The following CLDN18 variants were observed in gnomAD, a reference collection of about 807,000 sequenced individuals.
CLDN18 encodes claudin-18.
A neutral mutation model predicts 25.0 loss-of-function variants in CLDN18; 20 were observed. The observed-to-expected ratio is 0.80, with a 90% CI of 0.56 to 1.16. CLDN18 has a LOEUF of 1.16. Among genes scored for constraint, CLDN18 ranks in the 50% most tolerant of loss-of-function variants. CLDN18 has a pLI of 0.00. For synonymous variants in CLDN18, 125 were observed against 135.6 expected, an observed-to-expected ratio of 0.92 and a Z score of 0.54; for missense variants, 297 against 345.4, an observed-to-expected ratio of 0.86 and a Z score of 1.11.
intron 3 of CLDN18, among the ~76,000 whole-genome samples, chr3:138,027,378 GGTAA>G: frequency 6.6e-6 from 1 of 152,314 alleles, no homozygotes; most frequent in South Asian, 2.1e-4. Context: ...GCCTGTCCCA[GGTAA>G]GTATTTAGGT....
At chr3:138,014,256 G>A (rs139990205) in intron 1 of CLDN18, among the ~76,000 whole-genome samples, 2 of 152,300 alleles carry the variant, frequency 1.3e-5, no homozygotes, top group Non-Finnish European at 2.9e-5. Flanking sequence ...TCTCTGAGAA[G>A]GATTTTAGGG....
Position 138,033,064 on chromosome 3 carries a change from T to G in CLDN18, c.*1923T>G, listed in dbSNP as rs1472888820. 6.6e-6 allele frequency: 1 copy of G among 152,216 alleles called. No individual in the cohort carries two copies. Among genetic ancestry groups the G allele is most frequent in the Non-Finnish European group, 1.5e-5 (1 of 68,036 alleles). The allele number at this position is 152,216 out of a possible 1,614,324, so 9.4% of individuals were successfully genotyped here. On this transcript the variant is annotated 3_prime_UTR_variant, in exon 5 of 5. Coordinates refer to ENST00000183605, the MANE Select transcript of CLDN18 (RefSeq NM_016369.4). ...AAAGTCCTCACATCAATAGTACATA[T>G]GAAAGTGACCTCCAAGGGGATTGGT...
chr3:138,030,484 C>T (rs1179053726), intron 4 of CLDN18, among the ~76,000 whole-genome samples: 1 of 152,240 alleles, frequency 6.6e-6, no homozygotes, highest in Non-Finnish European at 1.5e-5. Flanking sequence ...TGTTTGCCCT[C>T]TCTGTGCCTC....
intron 1 of CLDN18, among the ~76,000 whole-genome samples, chr3:138,017,285 G>A (rs935774586): frequency 7.2e-5 from 11 of 151,978 alleles, no homozygotes; most frequent in Admixed American, 2.0e-4. Context: ...CATCCTACCC[G>A]TGTTCTGAGC....
intron 1 of CLDN18, among the ~76,000 whole-genome samples, chr3:138,014,475 C>T (rs1299292465): frequency 6.6e-6 from 1 of 151,916 alleles, no homozygotes; most frequent in African/African-American, 2.4e-5. Flanking sequence ...ACACAACAAG[C>T]ATAGGGGGCT....
intron 1 of CLDN18, among the ~76,000 whole-genome samples, chr3:138,000,206 A>T (rs748584603): frequency 6.6e-6 from 1 of 152,168 alleles, no homozygotes; most frequent in South Asian, 2.1e-4. Flanking sequence ...CAAAAATATA[A>T]AAGAGTGCAC....
intron 1 of CLDN18, among the ~76,000 whole-genome samples, chr3:138,015,309 G>A (rs1055384724): frequency 3.9e-5 from 6 of 152,154 alleles, no homozygotes; most frequent in African/African-American, 1.2e-4. Flanking sequence ...GAGTAACAAC[G>A]AGCCAGGACC....
chr3:138,002,313 G>A (rs1370147836), intron 1 of CLDN18, among the ~76,000 whole-genome samples: 1 of 152,122 alleles, frequency 6.6e-6, no homozygotes, highest in Non-Finnish European at 1.5e-5. Flanking sequence ...GAAAAAAAAA[G>A]TTGTTTGGTG....
At chr3:138,001,694 AATAG>A (rs1231419743) in intron 1 of CLDN18, among the ~76,000 whole-genome samples, 3 of 152,200 alleles carry the variant, frequency 2.0e-5, no homozygotes, top group African/African-American at 7.2e-5. Flanking sequence ...TTGACTATTT[AATAG>A]ATAGTTTATA....
chr3:138,022,885 C>G (rs1199721846), intron 1 of CLDN18, among the ~76,000 whole-genome samples: 1 of 152,210 alleles, frequency 6.6e-6, no homozygotes, highest in Non-Finnish European at 1.5e-5. Context: ...ACAATTGTTG[C>G]TATGAGTCAC....
chr3:138,027,205 G>A (rs1238054326), intron 3 of CLDN18, among the ~76,000 whole-genome samples: 1 of 152,188 alleles, frequency 6.6e-6, no homozygotes, highest in African/African-American at 2.4e-5. Context: ...CTGCAGCTGA[G>A]AGGCAGCTGC....
At chr3:138,013,455 A>C (rs1942164677) in intron 1 of CLDN18, among the ~76,000 whole-genome samples, 1 of 152,370 alleles carries the variant, frequency 6.6e-6, no homozygotes, top group South Asian at 2.1e-4. Context: ...CTGTGGGAAG[A>C]GCAGCCTCCT....
intron 1 of CLDN18, among the ~76,000 whole-genome samples, chr3:138,013,115 A>G (rs1413103674): frequency 6.6e-6 from 1 of 152,236 alleles, no homozygotes; most frequent in African/African-American, 2.4e-5. Context: ...CGAATAGTTC[A>G]TTTTAAGTGT....
upstream of CLDN18, among the ~76,000 whole-genome samples, chr3:138,005,368 C>T (rs1386938696): frequency 6.6e-6 from 1 of 152,098 alleles, no homozygotes; most frequent in Non-Finnish European, 1.5e-5. Flanking sequence ...GGTATTTCTC[C>T]TAATGCTATC....
intron 1 of CLDN18, among the ~76,000 whole-genome samples, chr3:138,017,431 C>G (rs1942219328): frequency 6.6e-6 from 1 of 152,108 alleles, no homozygotes; most frequent in South Asian, 2.1e-4. Flanking sequence ...TCCTATCAAC[C>G]TATAAATCAT....
intron 3 of CLDN18, among the ~76,000 whole-genome samples, chr3:138,027,928 T>A (rs1272329373): frequency 2.6e-5 from 4 of 152,218 alleles, no homozygotes; most frequent in Non-Finnish European, 5.9e-5. Flanking sequence ...TTCTGTCTTT[T>A]TCCCAGTCCA....
upstream of CLDN18, among the ~76,000 whole-genome samples, chr3:138,009,279 C>T (rs1942102487): frequency 6.6e-6 from 1 of 152,218 alleles, no homozygotes; most frequent in Non-Finnish European, 1.5e-5. Context: ...GATCCTAAGC[C>T]TCTCCGTGAC....
chr3:138,025,334 A>G (rs981372700), intron 3 of CLDN18, among the ~76,000 whole-genome samples: 2 of 152,252 alleles, frequency 1.3e-5, no homozygotes, highest in African/African-American at 4.8e-5. Flanking sequence ...GAAGGAGAGT[A>G]GAACTTTTAA....
At chr3:138,029,353 C>T (rs1942361620) in intron 3 of CLDN18, among the ~76,000 whole-genome samples, 1 of 152,064 alleles carries the variant, frequency 6.6e-6, no homozygotes, top group South Asian at 2.1e-4. Flanking sequence ...ACCATGTTGG[C>T]CAGGCTGCTC....
Sources: gnomAD v4.1 joint callset for allele counts (sites outside exome capture counted in the v4.1 genomes callset) on GRCh38, gnomAD v4.1.1 for gene constraint, MANE v1.5 for transcripts, NCBI Gene and HGNC (gene_info 2026-07-23, HGNC 2026-07-21) for gene names.